Variants in LRRC58 observed in about 807,000 individuals in gnomAD.
The protein encoded by LRRC58 is leucine rich repeat containing 58.
Under a neutral mutation model 30.6 loss-of-function variants are expected in LRRC58, and 18 were observed. That is an observed-to-expected ratio of 0.59 (90% CI 0.41 to 0.87). The LOEUF (loss-of-function observed/expected upper bound fraction) is 0.87, where lower values mean the gene tolerates loss of function less well. LRRC58 is among the 40% of genes least tolerant of loss of function. The pLI is 0.00. For synonymous variants in LRRC58, 221 were observed against 206.0 expected, an observed-to-expected ratio of 1.07 and a Z score of -0.62; for missense variants, 420 against 468.4, an observed-to-expected ratio of 0.90 and a Z score of 0.95.
chr3:120,331,512 T>A (rs1935757541), intron 3 of LRRC58, 104 bp from the exon 4 acceptor site: 1 of 831,042 alleles, frequency 1.2e-6, no homozygotes, highest in African/African-American at 1.7e-5. Flanking sequence ...CACCATCTTC[T>A]GTTATGAATC....
chr3:120,337,963 C>T (rs1935856268), intron 1 of LRRC58, among the ~76,000 whole-genome samples: 1 of 152,124 alleles, frequency 6.6e-6, no homozygotes, highest in Admixed American at 6.5e-5. Context: ...CTGCCTCAGC[C>T]TCCCGAGGAG....
At position 120,327,513 on chromosome 3, in the gene LRRC58, C is replaced by G. The variant is rs1230941863; in HGVS notation, c.*3687G>C. On this transcript the variant is annotated 3_prime_UTR_variant, in exon 4 of 4. Transcript: ENST00000295628. ...TCGTGATCCACCCGCCTCGGCCTCC[C>G]AAAGTGCTGGGATTACAAGCGTGAG... is the stretch of plus-strand genomic sequence containing the variant. 1 of 151,982 alleles carries G rather than the reference C, an allele frequency of 6.6e-6. No homozygotes were observed. Among genetic ancestry groups the G allele is most frequent in the African/African-American group, 2.4e-5 (1 of 41,368 alleles). 9.4% of individuals were successfully genotyped at this position (151,982 alleles called of 1,614,324 possible).
At chr3:120,336,724 T>C (rs528985059) in intron 1 of LRRC58, among the ~76,000 whole-genome samples, 39 of 151,706 alleles carry the variant, frequency 2.6e-4, no homozygotes, top group Non-Finnish European at 4.1e-4. Context: ...AGACATGGCA[T>C]ATATTGCACT....
Position 120,348,954 on chromosome 3 carries a change from A to G in LRRC58, c.290T>C (p.Leu97Pro). 1 of 1,548,844 alleles carries G rather than the reference A, an allele frequency of 6.5e-7. No homozygotes were observed. Among genetic ancestry groups the G allele is most frequent in the Non-Finnish European group, 8.7e-7 (1 of 1,149,450 alleles). Residue 97 changes from leucine (L) to proline (P), a missense_variant, in exon 1 of 4, where the codon CTG becomes CCG. Physicochemically the swap from Leu to Pro is moderately conservative, Grantham distance 98 (BLOSUM62 -3). This residue lies in a region of LRRC58 where 266 missense variants were observed against 251.7 expected (regional missense o/e 1.06). Coordinates refer to ENST00000295628, the MANE Select transcript of LRRC58 (RefSeq NM_001099678.2). The part of the protein sequence containing the change: ...LLALRGLRTL[L>P]AKNNRLGGPS... ...CCCGCCGAGCCGGTTGTTCTTGGCC[A>G]GCAGCGTGCGCAGGCCGCGCAGAGC... is the stretch of plus-strand genomic sequence containing the variant.
rs1935701163 is a variant in LRRC58, at chr3:120,327,712, T to C, written c.*3488A>G. 6.6e-6 allele frequency: 1 copy of C among 152,124 alleles called. No individual in the cohort carries two copies. The highest frequency in any genetic ancestry group is 2.1e-4 in the South Asian group (1 of 4,830). The allele number at this position is 152,124 out of a possible 1,614,324, so 9.4% of individuals were successfully genotyped here. A position where few individuals can be genotyped will look rare whatever the true frequency, so the allele number is the denominator to read the frequency against. On this transcript the variant is annotated 3_prime_UTR_variant, in exon 4 of 4. Coordinates refer to ENST00000295628, the MANE Select transcript of LRRC58 (RefSeq NM_001099678.2). Reference sequence around the variant, plus strand: ...ACACAAACACAAAAACTGCTCAAATTTGAGGTACAATTTACAATGCAAATT... The same window carrying C: ...ACACAAACACAAAAACTGCTCAAATCTGAGGTACAATTTACAATGCAAATT...
chr3:120,349,136 C>T lies in LRRC58; in HGVS notation c.108G>A (p.Gly36=), dbSNP rs375685058. 4.9e-4 allele frequency: 738 copies of T among 1,504,822 alleles called. 4 individuals carry two copies. In the African/African-American group the frequency reaches 9.5e-3, roughly 19 times the overall value. 93.2% of individuals were successfully genotyped at this position (1,504,822 alleles called of 1,614,324 possible). ...ETLESELEAR[G]EERRGAREAL... is the part of the protein sequence containing the mutation. ...CCTCCCGCGCCCCGCGCCGCTCCTC[C>T]CCCCGCGCCTCCAGCTCAGACTCCA... The change falls in exon 1 of 4, where the codon GGG becomes GGA. Residue 36 remains glycine, a synonymous_variant. Transcript: ENST00000295628.
intron 2 of LRRC58, 35 bp downstream of exon 2, chr3:120,335,790 T>A (rs1935827336): frequency 6.4e-7 from 1 of 1,560,938 alleles, no homozygotes. Context: ...TAAGCATAGA[T>A]GTCTGCGTAT....
At chr3:120,336,814 G>C (rs754700387) in intron 1 of LRRC58, among the ~76,000 whole-genome samples, 41 of 148,806 alleles carry the variant, frequency 2.8e-4, no homozygotes, top group South Asian at 4.2e-4. Flanking sequence ...GGGGTAGCAG[G>C]ATCAGTTCTT....
rs1935706550 is a variant in LRRC58, at chr3:120,328,049, T to C, written c.*3151A>G. ...GGTGTGTGCCACCGTGCCAAGTCTT[T>C]ACTTTTAAATGTGGTAACTTGAAGC... On this transcript the variant is annotated 3_prime_UTR_variant, in exon 4 of 4. Transcript: ENST00000295628. The C allele has an allele frequency of 1.3e-5, 2 of 152,226 alleles. No homozygotes were observed. Among genetic ancestry groups the C allele is most frequent in the Non-Finnish European group, 2.9e-5 (2 of 68,032 alleles). 9.4% of individuals were successfully genotyped at this position (152,226 alleles called of 1,614,324 possible).
intron 1 of LRRC58, among the ~76,000 whole-genome samples, chr3:120,344,820 C>A (rs184366220): frequency 1.4e-4 from 22 of 152,186 alleles, no homozygotes; most frequent in South Asian, 8.3e-4. Flanking sequence ...TAATATCTAA[C>A]CTAACTGAGA....
At position 120,343,788 on chromosome 3, in the gene LRRC58, C is replaced by T. The variant is rs553178233; in HGVS notation, c.500+4956G>A. 5.3e-5 allele frequency among the ~76,000 whole-genome samples: 8 copies of T among 152,220 alleles called. No homozygotes were observed. In the East Asian group the frequency reaches 7.7e-4, roughly 15 times the overall value. ...TTCACGTCTCTAATCCCAGCACTTT[C>T]GGAAGCTGAGGCAGGCGGATCACTT... On this transcript the variant is annotated intron_variant, in intron 1 of 3. Coordinates refer to ENST00000295628, the MANE Select transcript of LRRC58 (RefSeq NM_001099678.2).
At position 120,330,072 on chromosome 3, in the gene LRRC58, T is replaced by C. The variant is rs968132832; in HGVS notation, c.*1128A>G. ...TAGGTATAAGGACAATGACTCCTTT[T>C]CTCCATTTTTATTTGGCTTGTTGTG... On this transcript the variant is annotated 3_prime_UTR_variant, in exon 4 of 4. Transcript: ENST00000295628. 1 of 152,070 alleles carries C rather than the reference T, an allele frequency of 6.6e-6. No homozygotes were observed. Among genetic ancestry groups the C allele is most frequent in the African/African-American group, 2.4e-5 (1 of 41,438 alleles). The allele number at this position is 152,070 out of a possible 1,614,324, so 9.4% of individuals were successfully genotyped here.
At chr3:120,339,530 T>G (rs980370037) in intron 1 of LRRC58, among the ~76,000 whole-genome samples, 6 of 152,242 alleles carry the variant, frequency 3.9e-5, no homozygotes, top group Admixed American at 2.0e-4. Flanking sequence ...TTTTAACTTT[T>G]TCCCCTCACT....
intron 1 of LRRC58, among the ~76,000 whole-genome samples, chr3:120,339,189 T>A (rs1348843355): frequency 6.6e-6 from 1 of 152,210 alleles, no homozygotes; most frequent in East Asian, 1.9e-4. Context: ...CCTCTACTTC[T>A]ACTGTTTTGA....
chr3:120,348,980 G>A lies in LRRC58; in HGVS notation c.264C>T (p.Leu88=), dbSNP rs752775542. The A allele has an allele frequency of 2.7e-5, 41 of 1,534,400 alleles. No individual in the cohort carries two copies. Among genetic ancestry groups the A allele is most frequent in the Admixed American group, 5.9e-5 (3 of 50,472 alleles). The change falls in exon 1 of 4, where the codon CTC becomes CTT. Residue 88 remains leucine, a synonymous_variant. Transcript: ENST00000295628. ...NALTALGPEL[L]ALRGLRTLLA... Reference sequence around the variant, plus strand: ...GCAGCGTGCGCAGGCCGCGCAGAGCGAGCAGCTCCGGCCCGAGCGCGGTCA... The same window carrying A: ...GCAGCGTGCGCAGGCCGCGCAGAGCAAGCAGCTCCGGCCCGAGCGCGGTCA...
intron 1 of LRRC58, among the ~76,000 whole-genome samples, chr3:120,339,079 T>A (rs1249125675): frequency 6.6e-6 from 1 of 152,250 alleles, no homozygotes; most frequent in Non-Finnish European, 1.5e-5. Flanking sequence ...GATTGATATG[T>A]TCGGACTTGT....
rs539560261 is a variant in LRRC58, at chr3:120,329,662, A to G, written c.*1538T>C. 3.3e-5 allele frequency: 5 copies of G among 151,876 alleles called. No homozygotes were observed. Among genetic ancestry groups the G allele is most frequent in the Non-Finnish European group, 7.4e-5 (5 of 67,874 alleles). The allele number at this position is 151,876 out of a possible 1,614,324, so 9.4% of individuals were successfully genotyped here. ...AACCCTAATACATGTATATGTTATT[A>G]TACAACAATCTGCTTTTAAGAAATG... is the stretch of plus-strand genomic sequence containing the variant. On this transcript the variant is annotated 3_prime_UTR_variant, in exon 4 of 4. Transcript: ENST00000295628.
At chr3:120,345,574 T>A (rs906928664) in intron 1 of LRRC58, among the ~76,000 whole-genome samples, 1 of 152,242 alleles carries the variant, frequency 6.6e-6, no homozygotes. Context: ...TAACTCTCAC[T>A]TGTCACTATC....
intron 1 of LRRC58, among the ~76,000 whole-genome samples, chr3:120,348,090 T>A (rs1490178829): frequency 6.6e-6 from 1 of 152,106 alleles, no homozygotes; most frequent in East Asian, 1.9e-4. Flanking sequence ...AAAAAAGGAA[T>A]CACAGAGATG....
Sources: allele counts gnomAD v4.1 joint callset (sites outside exome capture counted in the v4.1 genomes callset), GRCh38; gene constraint gnomAD v4.1.1; regional missense constraint gnomAD v4.1.1; transcripts MANE v1.5; gene names NCBI Gene and HGNC (gene_info 2026-07-23, HGNC 2026-07-21).